SYT1: variants seen among roughly 807,000 people sequenced by gnomAD.
SYT1 encodes synaptotagmin 1.
Under a neutral mutation model 44.8 loss-of-function variants are expected in SYT1, and 8 were observed. The ratio of observed to expected loss-of-function variants is 0.18; its 90% CI spans 0.10 to 0.32. SYT1 has a LOEUF of 0.32. Among genes scored for constraint, SYT1 ranks in the 10% least tolerant of loss-of-function variants. The probability of loss-of-function intolerance (pLI) is 1.00; values close to 1 mark genes in which losing one functional copy is unlikely to be tolerated. For missense variants in SYT1, 286 were observed against 509.3 expected (o/e 0.56, Z 4.22); for synonymous variants, 154 against 188.8 (o/e 0.82, Z 1.51).
intron 4 of SYT1, among the ~76,000 whole-genome samples, chr12:79,261,180 G>A (rs1476052949): frequency 6.6e-6 from 1 of 152,176 alleles, no homozygotes; most frequent in African/African-American, 2.4e-5. Context: ...TTAAAACCCA[G>A]CAGGAGAATA....
chr12:79,269,792 A>G (rs994619225), intron 4 of SYT1, among the ~76,000 whole-genome samples: 2 of 152,164 alleles, frequency 1.3e-5, no homozygotes, highest in Non-Finnish European at 2.9e-5. Flanking sequence ...ATATGATTCA[A>G]AAAAGGTTTA....
At chr12:79,273,263 GCACAACA>G in intron 4 of SYT1, among the ~76,000 whole-genome samples, 1 of 151,812 alleles carries the variant, frequency 6.6e-6, no homozygotes, top group Non-Finnish European at 1.5e-5. Context: ...CCACAGGTAT[GCACAACA>G]TCCAGCTATT....
intron 8 of SYT1, among the ~76,000 whole-genome samples, chr12:79,315,476 T>A (rs1439015443): frequency 6.6e-6 from 1 of 152,126 alleles, no homozygotes; most frequent in South Asian, 2.1e-4. Context: ...CTAAGCCTCA[T>A]AACCTGTGGA....
chr12:79,116,403 G>A (rs1879279364), intron 3 of SYT1, among the ~76,000 whole-genome samples: 1 of 152,176 alleles, frequency 6.6e-6, no homozygotes, highest in Non-Finnish European at 1.5e-5. Context: ...GAAAAGATAG[G>A]TGAAAATTAG....
chr12:79,013,493 C>T (rs989192716), intron 2 of SYT1, among the ~76,000 whole-genome samples: 1 of 152,188 alleles, frequency 6.6e-6, no homozygotes, highest in Non-Finnish European at 1.5e-5. Context: ...AACTCTCTTA[C>T]AAGTAGATGC....
chr12:78,925,549 A>G (rs773664500), intron 1 of SYT1, among the ~76,000 whole-genome samples: 11 of 151,880 alleles, frequency 7.2e-5, no homozygotes, highest in Admixed American at 3.3e-4. Flanking sequence ...TTCTTTTTAA[A>G]GTATGTATGT....
In SYT1 at chr12:79,317,751, G is replaced by C. The variant is rs139539036; in HGVS notation, c.810+18200G>C. ...AGGTTTGAAAAGGAAAAGTTTATTG[G>C]AAAGAAAGAACACTGCAGAAGAGTG... On this transcript the variant is annotated intron_variant, in intron 8 of 10. Transcript: ENST00000261205. 8.4e-3 allele frequency among the ~76,000 whole-genome samples: 1,279 copies of C among 151,784 alleles called. 12 individuals are homozygous for C. The highest frequency in any genetic ancestry group is 0.029 in the African/African-American group (1,207 of 41,344).
rs529314135 is a variant in SYT1, at chr12:78,962,558, GGTGTGTGCATTTCCATCTT to G, written c.-216-15235_-216-15217del. Reference sequence around the variant, plus strand: ...CAATTGAATAAGTATATATATGTGAGGTGTGTGCATTTCCATCTTGTGTGGTGGGGGAGAGAGAGAGGTT... The same window carrying G: ...CAATTGAATAAGTATATATATGTGAGGTGTGGTGGGGGAGAGAGAGAGGTT... On this transcript the variant is annotated intron_variant, in intron 1 of 10. Coordinates refer to ENST00000261205, the MANE Select transcript of SYT1 (RefSeq NM_005639.3). Among the ~76,000 whole-genome samples, 195 of 152,058 alleles carry G rather than the reference GGTGTGTGCATTTCCATCTT, an allele frequency of 1.3e-3. 1 individual carries two copies. Among genetic ancestry groups the G allele is most frequent in the Middle Eastern group, 0.01 (3 of 294 alleles).
intron 3 of SYT1, among the ~76,000 whole-genome samples, chr12:79,182,781 T>C (rs1359351353): frequency 6.6e-6 from 1 of 152,120 alleles, no homozygotes; most frequent in Non-Finnish European, 1.5e-5. Context: ...ATAATATTAG[T>C]GTGTCTAAAC....
At chr12:79,245,387 A>G (rs1267688988) in intron 4 of SYT1, among the ~76,000 whole-genome samples, 1 of 148,566 alleles carries the variant, frequency 6.7e-6, no homozygotes, top group Non-Finnish European at 1.5e-5. Context: ...AGGCAGGAGA[A>G]TGGCGAGAAC....
At chr12:79,106,627 A>T (rs907176845) in intron 3 of SYT1, among the ~76,000 whole-genome samples, 4 of 150,930 alleles carry the variant, frequency 2.7e-5, no homozygotes, top group Non-Finnish European at 4.4e-5. Context: ...TTCCATTTTT[A>T]AAGCCTAGAA....
At chr12:79,402,944 G>A (rs936390726) in intron 9 of SYT1, among the ~76,000 whole-genome samples, 5 of 152,064 alleles carry the variant, frequency 3.3e-5, no homozygotes, top group Non-Finnish European at 7.4e-5. Flanking sequence ...ATAATACCAC[G>A]AACAAACCTA....
intron 9 of SYT1, among the ~76,000 whole-genome samples, chr12:79,375,010 AAGG>A (rs1883935531): frequency 6.6e-6 from 1 of 152,250 alleles, no homozygotes; most frequent in Non-Finnish European, 1.5e-5. Flanking sequence ...GACAGTCTGT[AAGG>A]AGTAGACATA....
chr12:79,131,822 TC>T (rs1298867314), intron 3 of SYT1, among the ~76,000 whole-genome samples: 3 of 152,160 alleles, frequency 2.0e-5, no homozygotes, highest in African/African-American at 7.2e-5. Context: ...ATTTTACAAA[TC>T]AGAAATATGA....
chr12:78,993,538 T>G (rs181100873), intron 2 of SYT1, among the ~76,000 whole-genome samples: 6 of 152,330 alleles, frequency 3.9e-5, no homozygotes, highest in Admixed American at 3.3e-4. Flanking sequence ...TCCATTTCTG[T>G]TTTTCTAGAA....
At chr12:79,129,063 C>T (rs1868631699) in intron 3 of SYT1, among the ~76,000 whole-genome samples, 1 of 152,146 alleles carries the variant, frequency 6.6e-6, no homozygotes. Context: ...CCTTGGGTTA[C>T]AGTCCCCTAG....
At chr12:78,995,134 A>AT (rs1296592332) in intron 2 of SYT1, among the ~76,000 whole-genome samples, 1 of 152,042 alleles carries the variant, frequency 6.6e-6, no homozygotes, top group African/African-American at 2.4e-5. Context: ...GGGCATTAGG[A>AT]TTTTTTTAAA....
At chr12:79,249,746 GAGA>G (rs1255368276) in intron 4 of SYT1, among the ~76,000 whole-genome samples, 3 of 152,130 alleles carry the variant, frequency 2.0e-5, no homozygotes, top group Non-Finnish European at 4.4e-5. Flanking sequence ...GAACCAACAA[GAGA>G]AGGTTAGGTC....
chr12:79,147,724 A>G lies in SYT1; in HGVS notation c.-17-69779A>G, dbSNP rs979779525. Among the ~76,000 whole-genome samples, 5 of 152,336 alleles carry G rather than the reference A, an allele frequency of 3.3e-5. No homozygotes were observed. In the East Asian group the frequency reaches 5.8e-4, roughly 18 times the overall value. ...TGTCAACTGACACAAAGGAACTGTT[A>G]TACCTAATGAGTTCATAAAAGTCTG... On this transcript the variant is annotated intron_variant, in intron 3 of 10. Coordinates refer to ENST00000261205, the MANE Select transcript of SYT1 (RefSeq NM_005639.3).
Sources: allele counts gnomAD v4.1 joint callset (sites outside exome capture counted in the v4.1 genomes callset), GRCh38; gene constraint gnomAD v4.1.1; transcripts MANE v1.5; gene names NCBI Gene and HGNC (gene_info 2026-07-23, HGNC 2026-07-21).